The following CSMD2 variants were observed in gnomAD, a reference collection of about 807,000 sequenced individuals.
CSMD2 encodes CUB and sushi domain-containing protein 2.
CSMD2 carries 130 observed loss-of-function variants against 398.5 expected under a neutral mutation model. The ratio of observed to expected loss-of-function variants is 0.33; its 90% CI spans 0.28 to 0.38. CSMD2 has a LOEUF of 0.38. Among genes scored for constraint, CSMD2 ranks in the 10% least tolerant of loss-of-function variants. The pLI is 1.00. For missense variants in CSMD2, 3,829 were observed against 4,764.9 expected, an observed-to-expected ratio of 0.80 and a Z score of 5.78; for synonymous variants, 1,828 against 1,908.5, an observed-to-expected ratio of 0.96 and a Z score of 1.10.
chr1:33,519,972 A>G lies in CSMD2; in HGVS notation c.10598-22T>C. On this transcript the variant is annotated intron_variant, in intron 68 of 70. Coordinates refer to ENST00000373381, the MANE Select transcript of CSMD2 (RefSeq NM_001281956.2). This position sits in a 1 kb window ranked among gnomAD's most constrained non-coding sequence, Gnocchi z 5.6. ...AGGTCTGTAAAGTCCCAAAGCAGAAAAGTCAAGTCACGAGACACAGTCTGA... is the reference window on the plus strand; with the variant it reads ...AGGTCTGTAAAGTCCCAAAGCAGAAGAGTCAAGTCACGAGACACAGTCTGA... 1 of 1,612,744 alleles carries G rather than the reference A, an allele frequency of 6.2e-7. No individual in the cohort carries two copies. The highest frequency in any genetic ancestry group is 8.5e-7 in the Non-Finnish European group (1 of 1,178,884).
At chr1:33,644,465 C>G (rs1264063491) in intron 29 of CSMD2, among the ~76,000 whole-genome samples, 2 of 152,076 alleles carry the variant, frequency 1.3e-5, no homozygotes, top group Admixed American at 1.3e-4. Context: ...TCAGTTGGGT[C>G]AAGTCGGAGG....
chr1:33,667,669 A>G (rs1289535945), intron 25 of CSMD2, among the ~76,000 whole-genome samples: 1 of 152,160 alleles, frequency 6.6e-6, no homozygotes, highest in Non-Finnish European at 1.5e-5. Flanking sequence ...ATGCCAGTTG[A>G]TTGCATTCGG....
intron 25 of CSMD2, among the ~76,000 whole-genome samples, chr1:33,688,678 T>G (rs1046357892): frequency 4.0e-5 from 6 of 151,850 alleles, no homozygotes; most frequent in African/African-American, 1.5e-4. Context: ...TAGCCAGGCG[T>G]GATGGCGCTT....
At chr1:34,040,994 G>A (rs1413135000) in intron 2 of CSMD2, among the ~76,000 whole-genome samples, 1 of 152,064 alleles carries the variant, frequency 6.6e-6, no homozygotes, top group Non-Finnish European at 1.5e-5. Context: ...GCATGGTGGT[G>A]CATGCCTGTA....
chr1:33,742,596 C>T (rs12025107), intron 14 of CSMD2, among the ~76,000 whole-genome samples: 3,230 of 142,732 alleles, frequency 0.023, 73 homozygotes, highest in South Asian at 0.057. Context: ...CCCCCAACCC[C>T]CTCTGTAACC....
At position 34,013,167 on chromosome 1, in the gene CSMD2, C is replaced by T. The variant is rs372133624; in HGVS notation, c.517+19427G>A. ...CGGGGAGGGCTGCTTTGAAAGCAGA[C>T]GTTGCAGTTTCCTTTCAAGTATTAT... On this transcript the variant is annotated intron_variant, in intron 3 of 70. Coordinates refer to ENST00000373381, the MANE Select transcript of CSMD2 (RefSeq NM_001281956.2). 5.3e-5 allele frequency among the ~76,000 whole-genome samples: 8 copies of T among 152,326 alleles called. No homozygotes were observed. In the East Asian group the frequency reaches 1.4e-3, roughly 26 times the overall value.
chr1:33,627,282 C>T (rs1642186602), intron 32 of CSMD2, among the ~76,000 whole-genome samples: 1 of 152,134 alleles, frequency 6.6e-6, no homozygotes, highest in Admixed American at 6.5e-5. Context: ...GCTTTTGTAG[C>T]AGAAGACAAA....
At chr1:33,581,760 T>C (rs999462563) in intron 47 of CSMD2, among the ~76,000 whole-genome samples, 2 of 152,006 alleles carry the variant, frequency 1.3e-5, no homozygotes, top group African/African-American at 4.8e-5. Context: ...AGGGGGCTGG[T>C]TGAAGGGGCG....
chr1:33,540,779 T>G, intron 59 of CSMD2, 81 bp from the exon 60 acceptor site: 1 of 1,478,658 alleles, frequency 6.8e-7, no homozygotes, highest in Non-Finnish European at 9.3e-7. Context: ...TATCACCGAC[T>G]ACCCTGCACC....
chr1:33,548,677 C>T (rs966532388), intron 56 of CSMD2, among the ~76,000 whole-genome samples: 7 of 152,188 alleles, frequency 4.6e-5, no homozygotes, highest in Non-Finnish European at 8.8e-5. Context: ...ATGTTACTTC[C>T]TAATTGCCTA....
At chr1:34,100,905 C>T (rs550058625) in intron 1 of CSMD2, among the ~76,000 whole-genome samples, 1 of 152,144 alleles carries the variant, frequency 6.6e-6, no homozygotes, top group South Asian at 2.1e-4. Flanking sequence ...CAGGTGGGGT[C>T]GGGTAAGGTA....
intron 6 of CSMD2, among the ~76,000 whole-genome samples, chr1:33,829,962 G>A (rs973432042): frequency 4.6e-5 from 7 of 152,148 alleles, no homozygotes; most frequent in Admixed American, 2.6e-4. Flanking sequence ...GGGGAGGGGC[G>A]CCCGCCATTG....
intron 25 of CSMD2, among the ~76,000 whole-genome samples, chr1:33,678,720 C>T (rs1644803719): frequency 6.6e-6 from 1 of 152,084 alleles, no homozygotes; most frequent in African/African-American, 2.4e-5. Context: ...TAATAGCAGA[C>T]AATAATAATT....
intron 26 of CSMD2, 135 bp downstream of exon 26, chr1:33,662,755 T>C (rs529445642): frequency 1.2e-5 from 10 of 856,972 alleles, no homozygotes; most frequent in South Asian, 9.0e-5. Context: ...GTGCTAACCA[T>C]GTACCAGGCA....
At chr1:33,707,683 ACGCGCGCG>A (rs148089714) in intron 22 of CSMD2, among the ~76,000 whole-genome samples, 14 of 72,314 alleles carry the variant, frequency 1.9e-4, no homozygotes, top group Admixed American at 5.6e-4. Context: ...ACGCGTGCAC[ACGCGCGCG>A]CGCGCACACA....
chr1:33,576,786 T>C (rs1386713666), intron 49 of CSMD2, among the ~76,000 whole-genome samples: 1 of 152,000 alleles, frequency 6.6e-6, no homozygotes, highest in East Asian at 1.9e-4. Flanking sequence ...TCACTTTTTT[T>C]CTTTTGCATT....
At chr1:33,825,648 T>A (rs1424967678) in intron 7 of CSMD2, 49 bp downstream of exon 7, 1 of 1,531,594 alleles carries the variant, frequency 6.5e-7, no homozygotes, top group Admixed American at 1.7e-5. Context: ...CCTGCACGTG[T>A]GACCTCAAGC....
chr1:33,605,187 A>T (rs1570912868), intron 42 of CSMD2, 95 bp downstream of exon 42: 1 of 1,190,560 alleles, frequency 8.4e-7, no homozygotes, highest in South Asian at 1.5e-5. Context: ...AGCCCTGGAG[A>T]TCCCACAGAG....
At chr1:34,140,639 A>G (rs1194962583) in intron 1 of CSMD2, among the ~76,000 whole-genome samples, 1 of 152,176 alleles carries the variant, frequency 6.6e-6, no homozygotes, top group Non-Finnish European at 1.5e-5. Context: ...CCTGTTTTAG[A>G]GATGGGGAAC....
Sources: allele counts gnomAD v4.1 joint callset (sites outside exome capture counted in the v4.1 genomes callset), GRCh38; gene constraint gnomAD v4.1.1; non-coding constraint Gnocchi (gnomAD v3.1); transcripts MANE v1.5; gene names NCBI Gene and HGNC (gene_info 2026-07-23, HGNC 2026-07-21).